Variants in CSMD1 observed in about 807,000 individuals in gnomAD.
CSMD1 encodes the protein CUB and Sushi multiple domains 1.
CSMD1 carries 213 observed loss-of-function variants against 417.5 expected under a neutral mutation model. The ratio of observed to expected loss-of-function variants is 0.51; its 90% CI spans 0.46 to 0.57. CSMD1 has a LOEUF of 0.57. CSMD1 is among the 20% of genes least tolerant of loss of function. CSMD1 has a pLI of 0.00. For missense variants in CSMD1, 6,923 were observed against 4,529.7 expected (o/e 1.53, Z -15.17); for synonymous variants, 2,862 against 1,736.8 (o/e 1.65, Z -16.11).
chr8:4,792,888 T>C (rs1462666537), intron 1 of CSMD1, among the ~76,000 whole-genome samples: 1 of 152,064 alleles, frequency 6.6e-6, no homozygotes, highest in Non-Finnish European at 1.5e-5. Context: ...TTGTGCTCTC[T>C]GCCAGCACAT....
chr8:3,698,109 T>C (rs1800657230), intron 7 of CSMD1, among the ~76,000 whole-genome samples: 1 of 152,198 alleles, frequency 6.6e-6, no homozygotes, highest in South Asian at 2.1e-4. Context: ...ATGAAACATC[T>C]TGTTTTGCTT....
intron 3 of CSMD1, among the ~76,000 whole-genome samples, chr8:4,302,412 G>C (rs754627269): frequency 2.0e-5 from 3 of 152,132 alleles, no homozygotes; most frequent in Admixed American, 6.6e-5. Flanking sequence ...TTATATATGT[G>C]ATTACTTTCA....
At chr8:3,875,945 G>A (rs1046598880) in intron 5 of CSMD1, among the ~76,000 whole-genome samples, 1 of 152,050 alleles carries the variant, frequency 6.6e-6, no homozygotes, top group African/African-American at 2.4e-5. Context: ...AAGCTCGGAG[G>A]CAAATTTATG....
intron 49 of CSMD1, among the ~76,000 whole-genome samples, chr8:3,073,955 T>G (rs987064128): frequency 6.6e-6 from 1 of 152,168 alleles, no homozygotes; most frequent in Non-Finnish European, 1.5e-5. Context: ...ATTCCACACA[T>G]AGAGGCCCAA....
chr8:2,964,127 C>T (rs915347623), intron 59 of CSMD1, among the ~76,000 whole-genome samples: 1 of 152,182 alleles, frequency 6.6e-6, no homozygotes, highest in Non-Finnish European at 1.5e-5. Flanking sequence ...CACAACTTCC[C>T]TAGTTTTTGA....
chr8:3,553,001 ACTGT>A (rs1442200193), intron 10 of CSMD1, among the ~76,000 whole-genome samples: 5 of 152,186 alleles, frequency 3.3e-5, no homozygotes, highest in Admixed American at 6.5e-5. Context: ...CCTGTCACGT[ACTGT>A]CTGTCAATTA....
rs1391769571 is a variant in CSMD1 at position 2,936,439 on chromosome 8, C to T, written c.*2146G>A. The T allele has an allele frequency of 4.6e-5, 7 of 151,788 alleles. No individual in the cohort carries two copies. Among genetic ancestry groups the T allele is most frequent in the African/African-American group, 1.7e-4 (7 of 41,338 alleles). 9.4% of individuals were successfully genotyped at this position (151,788 alleles called of 1,614,324 possible). On this transcript the variant is annotated 3_prime_UTR_variant, in exon 70 of 70. Coordinates refer to ENST00000635120, the MANE Select transcript of CSMD1 (RefSeq NM_033225.6). ...TATAGTAACCCTGTTCTCCCTTGCA[C>T]ACGAGCCTCCTCACACTTTCAATCA...
At chr8:4,010,576 A>C (rs564027717) in intron 4 of CSMD1, among the ~76,000 whole-genome samples, 100 of 151,794 alleles carry the variant, frequency 6.6e-4, no homozygotes, top group African/African-American at 2.4e-3. Context: ...CAGTTTCTAC[A>C]GCTGCAGTCT....
chr8:4,144,738 T>C (rs974025325), intron 3 of CSMD1, among the ~76,000 whole-genome samples: 3 of 151,114 alleles, frequency 2.0e-5, no homozygotes, highest in African/African-American at 7.4e-5. Flanking sequence ...CTTCCAACTT[T>C]CTAGAGACTT....
intron 5 of CSMD1, among the ~76,000 whole-genome samples, chr8:3,892,077 T>C (rs1244461133): frequency 1.3e-5 from 2 of 152,140 alleles, no homozygotes; most frequent in African/African-American, 4.8e-5. Flanking sequence ...TCATTGTGTG[T>C]GTGCTTTTCA....
At chr8:4,008,820 C>T (rs1361799407) in intron 4 of CSMD1, among the ~76,000 whole-genome samples, 1 of 151,768 alleles carries the variant, frequency 6.6e-6, no homozygotes, top group African/African-American at 2.4e-5. Flanking sequence ...ATGTGTTAGC[C>T]AGGATGGTCT....
chr8:3,267,642 A>G (rs1801530165), intron 26 of CSMD1, among the ~76,000 whole-genome samples: 1 of 152,196 alleles, frequency 6.6e-6, no homozygotes, highest in African/African-American at 2.4e-5. Context: ...GGCAAAAGCA[A>G]AGAGCCAACA....
At chr8:4,841,519 A>G (rs1800833505) in intron 1 of CSMD1, among the ~76,000 whole-genome samples, 1 of 152,234 alleles carries the variant, frequency 6.6e-6, no homozygotes, top group African/African-American at 2.4e-5. Flanking sequence ...TAAGTAAAAT[A>G]AAAAGTAATG....
chr8:3,210,782 C>G (rs1797558674), intron 30 of CSMD1, among the ~76,000 whole-genome samples: 1 of 151,346 alleles, frequency 6.6e-6, no homozygotes, highest in Non-Finnish European at 1.5e-5. Context: ...TTTACCCATG[C>G]TTTTTCTATG....
intron 7 of CSMD1, among the ~76,000 whole-genome samples, chr8:3,641,245 G>A (rs978113459): frequency 3.3e-5 from 5 of 151,876 alleles, no homozygotes; most frequent in African/African-American, 4.8e-5. Flanking sequence ...TGTGACTCAT[G>A]GGTCCCTGAG....
intron 7 of CSMD1, among the ~76,000 whole-genome samples, chr8:3,623,408 T>G (rs566488394): frequency 2.5e-4 from 38 of 152,222 alleles, no homozygotes; most frequent in African/African-American, 8.2e-4. Flanking sequence ...ATAAAGCAAG[T>G]GTCTGAAAAG....
Position 3,125,875 on chromosome 8 carries a change from G to T in CSMD1, c.6242-7288C>A, listed in dbSNP as rs533211847. Among the ~76,000 whole-genome samples, 6 of 152,316 alleles carry T rather than the reference G, an allele frequency of 3.9e-5. No homozygotes were observed. The East Asian group carries it at 1.2e-3, about 29-fold the overall frequency. ...GCCTGTAACCCCAGCTACTCGGGAGGCTGAGGCAGGAGAATCACCTCAACC... is the reference window on the plus strand; with the variant it reads ...GCCTGTAACCCCAGCTACTCGGGAGTCTGAGGCAGGAGAATCACCTCAACC... On this transcript the variant is annotated intron_variant, in intron 41 of 69. Transcript: ENST00000635120.
intron 3 of CSMD1, among the ~76,000 whole-genome samples, chr8:4,293,900 G>A (rs1438676086): frequency 6.6e-6 from 1 of 151,858 alleles, no homozygotes; most frequent in Non-Finnish European, 1.5e-5. Flanking sequence ...TTGATAGAGG[G>A]ATGTCCTATT....
intron 52 of CSMD1, among the ~76,000 whole-genome samples, chr8:3,009,802 A>G (rs1431658865): frequency 6.6e-6 from 1 of 152,154 alleles, no homozygotes; most frequent in Non-Finnish European, 1.5e-5. Flanking sequence ...GCTGTTTGTG[A>G]CAGCATCAAA....
Sources: allele counts gnomAD v4.1 joint callset (sites outside exome capture counted in the v4.1 genomes callset), GRCh38; gene constraint gnomAD v4.1.1; transcripts MANE v1.5; gene names NCBI Gene and HGNC (gene_info 2026-07-23, HGNC 2026-07-21).